STX1B: variants seen among roughly 807,000 people sequenced by gnomAD.
STX1B encodes syntaxin 1B.
A neutral mutation model predicts 39.4 loss-of-function variants in STX1B; 7 were observed. The ratio of observed to expected loss-of-function variants is 0.18; its 90% confidence interval spans 0.10 to 0.33. The LOEUF is 0.33. Ranked by LOEUF, STX1B falls within the 10% of genes least tolerant of loss-of-function variation. The pLI is 1.00. For synonymous variants in STX1B, 136 were observed against 144.1 expected (o/e 0.94, Z 0.40); for missense variants, 198 against 383.2 (o/e 0.52, Z 4.04).
intron 1 of STX1B, among the ~76,000 whole-genome samples, chr16:31,003,310 TGCCCCCAGAAA>T (rs2056640772): frequency 6.6e-6 from 1 of 152,242 alleles, no homozygotes; most frequent in South Asian, 2.1e-4. Flanking sequence ...GGCTCACAGC[TGCCCCCAGAAA>T]GTGGGGCGGC....
intron 7 of STX1B, among the ~76,000 whole-genome samples, chr16:30,993,816 C>T (rs1210289176): frequency 6.6e-6 from 1 of 152,084 alleles, no homozygotes. Context: ...GAAACCTCGT[C>T]TCTACTAAAA....
chr16:30,990,862 G>A lies in STX1B; in HGVS notation c.*1959C>T, dbSNP rs1368411145. The stretch of plus-strand genomic sequence containing the variant: ...TACCCCTCAGTCACACCCTGGTGTG[G>A]GGAGCAGCCTGAGGGTTCAGCAGGA... On this transcript the variant is annotated 3_prime_UTR_variant, in exon 10 of 10. Coordinates refer to ENST00000215095, the MANE Select transcript of STX1B (RefSeq NM_052874.5). 1 of 152,260 alleles carries A rather than the reference G, an allele frequency of 6.6e-6. No individual in the cohort carries two copies. Among genetic ancestry groups the A allele is most frequent in the African/African-American group, 2.4e-5 (1 of 41,462 alleles). 9.4% of individuals were successfully genotyped at this position (152,260 alleles called of 1,614,324 possible). A position where few individuals can be genotyped will look rare whatever the true frequency, so the allele number is the denominator to read the frequency against.
intron 1 of STX1B, among the ~76,000 whole-genome samples, chr16:31,004,678 A>G (rs993450686): frequency 1.8e-5 from 1 of 54,134 alleles, no homozygotes; most frequent in Non-Finnish European, 4.2e-5. Flanking sequence ...CCCGTTTCTT[A>G]AAAAAAAAAA....
intron 4 of STX1B, 72 bp downstream of exon 4, chr16:31,000,856 T>C (rs773776358): frequency 7.2e-6 from 11 of 1,530,552 alleles, no homozygotes; most frequent in Middle Eastern, 1.7e-4. Context: ...CGCCTCGCCC[T>C]CCCAAAGGCC....
chr16:31,001,358 C>T lies in STX1B; in HGVS notation c.106-165G>A, dbSNP rs894712095. The stretch of plus-strand genomic sequence containing the variant: ...TGGGGGACAGGGAAAAGGAAGTTGT[C>T]GGTGGCTAGGGGCTGGGTGCCGGGG... On this transcript the variant is annotated intron_variant, in intron 2 of 9. Coordinates refer to ENST00000215095, the MANE Select transcript of STX1B (RefSeq NM_052874.5). The surrounding 1 kb of genome is among the most constrained non-coding windows in gnomAD (Gnocchi z 5.5). Among the ~76,000 whole-genome samples, 1 of 146,482 alleles carries T rather than the reference C, an allele frequency of 6.8e-6. No homozygotes were observed. Among genetic ancestry groups the T allele is most frequent in the African/African-American group, 2.5e-5 (1 of 39,752 alleles).
intron 7 of STX1B, 199 bp downstream of exon 7, chr16:30,996,484 A>G (rs2056592535): frequency 1.7e-6 from 1 of 587,152 alleles, no homozygotes; most frequent in Non-Finnish European, 3.0e-6. Context: ...AGTGCTTAGA[A>G]CAGTGCCTGG....
rs776604327 is a variant in STX1B at position 31,001,158 on chromosome 16, C to T, written c.141G>A (p.Ser47=). ...GTTTTTTCACCTGCTCCACATCCTCCGACAGTTTCTCAATGCAGCCCCGGA... is the reference window on the plus strand; with the variant it reads ...GTTTTTTCACCTGCTCCACATCCTCTGACAGTTTCTCAATGCAGCCCCGGA... ...EEIRGCIEKL[S]EDVEQVKKQH... Residue 47 remains serine (S), a synonymous_variant, in exon 3 of 10, where the codon TCG becomes TCA. Coordinates refer to ENST00000215095, the MANE Select transcript of STX1B (RefSeq NM_052874.5). The surrounding 1 kb of genome is among the most constrained non-coding windows in gnomAD (Gnocchi z 5.5). 7.4e-6 allele frequency: 12 copies of T among 1,613,912 alleles called. No individual in the cohort carries two copies. Among genetic ancestry groups the T allele is most frequent in the East Asian group, 6.7e-5 (3 of 44,884 alleles).
chr16:31,003,403 A>G (rs74015059), intron 1 of STX1B, among the ~76,000 whole-genome samples: 1 of 152,134 alleles, frequency 6.6e-6, no homozygotes, highest in Non-Finnish European at 1.5e-5. Flanking sequence ...CCATCGGCCT[A>G]CCATGATGCT....
intron 4 of STX1B, 75 bp downstream of exon 4, chr16:31,000,852 GC>G: frequency 6.8e-7 from 1 of 1,470,682 alleles, no homozygotes; most frequent in Non-Finnish European, 9.5e-7. Flanking sequence ...GCCCCGCCTC[GC>G]CCTCCCAAAG....
At chr16:31,000,125 G>T (rs1364731469) in intron 4 of STX1B, among the ~76,000 whole-genome samples, 2 of 151,312 alleles carry the variant, frequency 1.3e-5, no homozygotes, top group Admixed American at 1.3e-4. Flanking sequence ...AGCCTCCCAA[G>T]TGGCTGGGAT....
intron 1 of STX1B, among the ~76,000 whole-genome samples, chr16:31,007,859 G>A (rs1362504454): frequency 2.0e-5 from 3 of 152,190 alleles, no homozygotes; most frequent in African/African-American, 7.2e-5. Flanking sequence ...ACAACCCTGT[G>A]AAACAGGCAC....
intron 1 of STX1B, among the ~76,000 whole-genome samples, chr16:31,006,643 C>G (rs1333179240): frequency 6.6e-6 from 1 of 152,108 alleles, no homozygotes; most frequent in East Asian, 1.9e-4. Flanking sequence ...TTCTACAGGA[C>G]AGTTAGCAGG....
At chr16:31,009,484 G>C (rs992005846) in intron 1 of STX1B, among the ~76,000 whole-genome samples, 13 of 151,900 alleles carry the variant, frequency 8.6e-5, no homozygotes, top group South Asian at 2.1e-4. Flanking sequence ...CTGCCTCCTC[G>C]GGCCCCAGGT....
chr16:31,006,240 C>CA (rs1198997474), intron 1 of STX1B, among the ~76,000 whole-genome samples: 1 of 152,170 alleles, frequency 6.6e-6, no homozygotes, highest in Non-Finnish European at 1.5e-5. Flanking sequence ...CCCTTTCCCC[C>CA]ACCCTCTGCT....
chr16:31,006,534 G>A (rs1025251496), intron 1 of STX1B, among the ~76,000 whole-genome samples: 5 of 152,240 alleles, frequency 3.3e-5, no homozygotes, highest in Admixed American at 6.5e-5. Context: ...ACAATGGGAG[G>A]TGAACAAGAC....
intron 1 of STX1B, among the ~76,000 whole-genome samples, chr16:31,004,677 T>TAAA (rs36004598): frequency 7.1e-6 from 1 of 140,932 alleles, no homozygotes; most frequent in African/African-American, 2.7e-5. Flanking sequence ...CCCCGTTTCT[T>TAAA]AAAAAAAAAA....
chr16:31,008,338 C>A (rs556921792), intron 1 of STX1B, among the ~76,000 whole-genome samples: 1 of 151,924 alleles, frequency 6.6e-6, no homozygotes, highest in African/African-American at 2.4e-5. Context: ...CTCCGGCAGC[C>A]ACAGCCAACA....
chr16:30,997,716 G>T, intron 4 of STX1B, 141 bp from the exon 5 acceptor site: 1 of 742,420 alleles, frequency 1.3e-6, no homozygotes, highest in South Asian at 1.7e-5. Context: ...GCGGGCAGCG[G>T]TGCCCCAGGG....
chr16:31,003,259 A>C (rs190127407), intron 1 of STX1B, among the ~76,000 whole-genome samples: 1 of 152,294 alleles, frequency 6.6e-6, no homozygotes, highest in East Asian at 1.9e-4. Flanking sequence ...ATTTCCAGAC[A>C]ATCCCAACCA....
Sources: gnomAD v4.1 joint callset for allele counts (sites outside exome capture counted in the v4.1 genomes callset) on GRCh38, gnomAD v4.1.1 for gene constraint, Gnocchi (gnomAD v3.1) non-coding constraint, MANE v1.5 for transcripts, NCBI Gene and HGNC (gene_info 2026-07-23, HGNC 2026-07-21) for gene names.